TTN: variants seen among roughly 807,000 people sequenced by gnomAD.
TTN encodes the protein titin, also known as connectin.
TTN carries 1,525 observed loss-of-function variants against 3,223.0 expected under a neutral mutation model. That is an observed-to-expected ratio of 0.47 (90% CI 0.45 to 0.49). The LOEUF is 0.49. Among genes scored for constraint, TTN ranks in the 20% least tolerant of loss-of-function variants. The pLI, the probability that TTN is intolerant of heterozygous loss-of-function variation, is 0.00. For missense variants in TTN, 40,786 were observed against 43,424.0 expected (o/e 0.94, Z 5.40); for synonymous variants, 14,094 against 15,161.0 (o/e 0.93, Z 5.17).
At chr2:178,673,581 GAA>G (rs1318087741) in intron 152 of TTN, 50 bp downstream of exon 152, 1 of 1,435,160 alleles carries the variant, frequency 7.0e-7, no homozygotes, top group East Asian at 2.5e-5. Flanking sequence ...TTGCTTTTAA[GAA>G]AGAAAATTAA....
chr2:178,570,030 C>T lies in TTN; in HGVS notation c.76102G>A (p.Gly25368Arg). 2 of 1,613,206 alleles carry T rather than the reference C, an allele frequency of 1.2e-6. No homozygotes were observed. Among genetic ancestry groups the T allele is most frequent in the Non-Finnish European group, 8.5e-7 (1 of 1,179,530 alleles). ...TCATAATCGTGATTTTCTATGAGTC[C>T]AGTTACTCTCAGGCGCAACTCTCCA... ...LIGELRLRVTGLIENHDYEFR... is the reference protein window; with the variant it reads ...LIGELRLRVTRLIENHDYEFR... The change falls in exon 326 of 363, where the codon GGA becomes AGA. Residue 25368 changes from glycine (G) to arginine (R), a missense_variant. Gly to Arg is a moderately radical substitution (Grantham distance 125). Coordinates refer to ENST00000589042, the MANE Select transcript of TTN (RefSeq NM_001267550.2).
intron 330 of TTN, chr2:178,555,943 C>T (rs1259375771): frequency 6.6e-6 from 1 of 152,234 alleles, no homozygotes; most frequent in Non-Finnish European, 1.5e-5. Flanking sequence ...TTTGGACTAA[C>T]CATGATAGAG....
chr2:178,541,500 T>A lies in TTN; in HGVS notation c.97577A>T (p.Asp32526Val). 1 of 1,613,400 alleles carries A rather than the reference T, an allele frequency of 6.2e-7. No individual in the cohort carries two copies. The highest frequency in any genetic ancestry group is 8.5e-7 in the Non-Finnish European group (1 of 1,179,556). The stretch of plus-strand genomic sequence containing the variant: ...ATATCCAGTCACTTGGGAGCCACCG[T>A]CATCCTCTGGTGGGTACCAAGTAAG... ...MTLTWYPPED[D>V]GGSQVTGYIV... The change falls in exon 350 of 363, where the codon GAC becomes GTC. Residue 32526 changes from aspartate to valine, a missense_variant. Coordinates refer to ENST00000589042, the MANE Select transcript of TTN (RefSeq NM_001267550.2).
rs572862573 is a variant in TTN at position 178,595,689 on chromosome 2, T to A, written c.57665A>T (p.Glu19222Val). The A allele has an allele frequency of 6.2e-7, 1 of 1,608,926 alleles. No individual in the cohort carries two copies. ...GGSPITNYVI[E>V]KRESDRRAWT... Reference sequence around the variant, plus strand: ...TGCTCTGCGGTCAGATTCACGCTTTTCAATGACATAATTGGTGATTGGAGA... The same window carrying A: ...TGCTCTGCGGTCAGATTCACGCTTTACAATGACATAATTGGTGATTGGAGA... Residue 19222 changes from glutamate (E) to valine (V), a missense_variant, in exon 295 of 363, where the codon GAA becomes GTA. By Grantham distance (121) the Glu-to-Val change is moderately radical. Coordinates refer to ENST00000589042, the MANE Select transcript of TTN (RefSeq NM_001267550.2).
Position 178,576,113 on chromosome 2 carries a change from A to G in TTN, c.70019T>C (p.Met23340Thr), listed in dbSNP as rs1709991797. The change falls in exon 326 of 363, where the codon ATG (methionine) becomes ACG (threonine). Residue 23340 changes from methionine (M) to threonine (T), a missense_variant. By Grantham distance (81) the Met-to-Thr change is moderately conservative. Transcript: ENST00000589042. The surrounding 1 kb of genome is among the most constrained non-coding windows in gnomAD (Gnocchi z 4.3). ...IPDVEIVERE[M>T]APDFELDAEL... ...GGCATCTAGTTCAAAATCAGGAGCC[A>G]TCTCCCGTTCTACGATTTCAACATC... The G allele has an allele frequency of 6.2e-7, 1 of 1,613,358 alleles. No individual in the cohort carries two copies. The highest frequency in any genetic ancestry group is 1.7e-5 in the Admixed American group (1 of 59,982).
intron 207 of TTN, 59 bp downstream of exon 207, chr2:178,651,394 C>A (rs573669043): frequency 1.2e-6 from 2 of 1,602,358 alleles, no homozygotes; most frequent in African/African-American, 1.3e-5. Flanking sequence ...CAGAACAAAA[C>A]CCTTTTAGAA....
intron 128 of TTN, 57 bp from the exon 129 acceptor site, chr2:178,685,387 G>C (rs2070583259): frequency 6.7e-7 from 1 of 1,494,738 alleles, no homozygotes; most frequent in African/African-American, 1.4e-5. Context: ...TTCGATAAAA[G>C]TGTAAGGGAT....
Position 178,734,779 on chromosome 2 carries a change from T to C in TTN, c.15145A>G (p.Ser5049Gly). 6.2e-7 allele frequency: 1 copy of C among 1,613,878 alleles called. No homozygotes were observed. The highest frequency in any genetic ancestry group is 8.5e-7 in the Non-Finnish European group (1 of 1,179,780). Reference protein sequence around the residue: ...LDITDVKVEDSGSYSCEAVND... With the variant: ...LDITDVKVEDGGSYSCEAVND... ...ACTGCTTCACATGAGTAACTCCCAC[T>C]GTCTTCAACTTTTACATCCGTAATA... The change falls in exon 51 of 363, where the codon AGT becomes GGT. Residue 5049 changes from serine (S) to glycine (G), a missense_variant. Ser to Gly is a moderately conservative substitution (Grantham distance 56). Coordinates refer to ENST00000589042, the MANE Select transcript of TTN (RefSeq NM_001267550.2).
rs754936734 is a variant in TTN, at chr2:178,741,619, C to T, written c.11614G>A (p.Gly3872Ser). 1.2e-5 allele frequency: 19 copies of T among 1,613,662 alleles called. No individual in the cohort carries two copies. Among genetic ancestry groups the T allele is most frequent in the South Asian group, 5.5e-5 (5 of 91,068 alleles). Residue 3872 changes from glycine to serine, a missense_variant, in exon 48 of 363, where the codon GGT becomes AGT. By Grantham distance (56) the Gly-to-Ser change is moderately conservative. Coordinates refer to ENST00000589042, the MANE Select transcript of TTN (RefSeq NM_001267550.2). ...AGAATGATCAGGCTATGATCATCAC[C>T]GTCAAAAACAAATTTGTAGTCAGCA... ...PSADYKFVFD[G>S]DDHSLIILFT...
intron 1 of TTN, among the ~76,000 whole-genome samples, chr2:178,805,054 A>T (rs1236149110): frequency 1.3e-5 from 2 of 152,062 alleles, no homozygotes; most frequent in African/African-American, 4.8e-5. Flanking sequence ...TGTAAAATAA[A>T]CCTCTGGGCC....
chr2:178,749,556 C>T (rs750235091), intron 47 of TTN: 10 of 1,612,736 alleles, frequency 6.2e-6, no homozygotes, highest in Middle Eastern at 1.6e-4. Flanking sequence ...TGTGCCCTTA[C>T]AGATTCTCCC....
rs2154359016 is a variant in TTN at position 178,800,495 on chromosome 2, T to C, written c.483A>G (p.Leu161=). ...CCTCAGGGTATGCTTCTGCAATCAG[T>C]AAGCTGTAGAGGTCGCCTTCTTGTG... The part of the protein sequence containing the change: ...QISQEGDLYS[L]LIAEAYPEDS... Residue 161 remains leucine (L), a synonymous_variant, in exon 4 of 363, where the codon TTA becomes TTG. Transcript: ENST00000589042. 1.2e-6 allele frequency: 2 copies of C among 1,614,176 alleles called. No individual in the cohort carries two copies. The highest frequency in any genetic ancestry group is 2.2e-5 in the South Asian group (2 of 91,088).
Position 178,534,659 on chromosome 2 carries a change from C to T in TTN, c.101956G>A (p.Val33986Ile). The T allele has an allele frequency of 6.2e-7, 1 of 1,613,700 alleles. No individual in the cohort carries two copies. The highest frequency in any genetic ancestry group is 1.1e-5 in the South Asian group (1 of 91,076). Residue 33986 changes from valine (V) to isoleucine (I), a missense_variant, in exon 358 of 363, where the codon GTC becomes ATC. By Grantham distance (29) the Val-to-Ile change is conservative (BLOSUM62 3). Coordinates refer to ENST00000589042, the MANE Select transcript of TTN (RefSeq NM_001267550.2). ...GTGCTGACAACATCATGCTGGTGGACTTCAGGTGCATAGTATTCTGGGGCA... is the reference window on the plus strand; with the variant it reads ...GTGCTGACAACATCATGCTGGTGGATTTCAGGTGCATAGTATTCTGGGGCA... ...FTAPEYYAPEVHQHDVVSTAT... is the reference protein window; with the variant it reads ...FTAPEYYAPEIHQHDVVSTAT...
rs1222519078 is a variant in TTN, at chr2:178,537,805, C to G, written c.99402G>C (p.Trp33134Cys). The stretch of plus-strand genomic sequence containing the variant: ...GTATGAGCTCTTTACCAAATCTGTA[C>G]CATTTAATGTCAGGAAGAGGCCTTC... ...IVGRPLPDIK[W>C]YRFGKELIQS... is the part of the protein sequence containing the mutation. Residue 33134 changes from tryptophan (W) to cysteine (C), a missense_variant, in exon 355 of 363, where the codon TGG (tryptophan) becomes TGC (cysteine). Trp to Cys is a radical substitution (Grantham distance 215, BLOSUM62 -2). Transcript: ENST00000589042. 2 of 1,613,678 alleles carry G rather than the reference C, an allele frequency of 1.2e-6. No individual in the cohort carries two copies. The highest frequency in any genetic ancestry group is 1.7e-6 in the Non-Finnish European group (2 of 1,179,756).
rs879057192 is a variant in TTN at position 178,741,212 on chromosome 2, G to C, written c.12021C>G (p.Gly4007=). The C allele has an allele frequency of 1.9e-6, 3 of 1,613,230 alleles. No homozygotes were observed. Among genetic ancestry groups the C allele is most frequent in the Non-Finnish European group, 1.7e-6 (2 of 1,179,824 alleles). ...IVNDPQREDS[G]LYICKAENML... ...TATTCTCTGCTTTACAGATATAGAG[G>C]CCACTGTCTTCCCTCTGAGGGTCAT... Residue 4007 remains glycine, a synonymous_variant, in exon 48 of 363, where the codon GGC becomes GGG. Coordinates refer to ENST00000589042, the MANE Select transcript of TTN (RefSeq NM_001267550.2).
chr2:178,770,030 A>G (rs894602469), intron 36 of TTN, 30 bp downstream of exon 36: 1 of 1,614,164 alleles, frequency 6.2e-7, no homozygotes, highest in Non-Finnish European at 8.5e-7. Flanking sequence ...TCATTAAGGA[A>G]AGGGCTGTAG....
Position 178,740,129 on chromosome 2 carries a change from T to C in TTN, c.13104A>G (p.Lys4368=). The C allele has an allele frequency of 6.2e-7, 1 of 1,613,844 alleles. No homozygotes were observed. The highest frequency in any genetic ancestry group is 8.5e-7 in the Non-Finnish European group (1 of 1,179,838). Residue 4368 remains lysine (K), a synonymous_variant, in exon 48 of 363, where the codon AAA becomes AAG. Transcript: ENST00000589042. The stretch of plus-strand genomic sequence containing the variant: ...GGTCCCTTCCCTGTACCTCCTGCAC[T>C]TTCTTTATTGCCACGGGCTCTCTTT... ...ESKREPVAIK[K]VQEVQGRDLL... is the part of the protein sequence containing the mutation.
Position 178,652,676 on chromosome 2 carries a change from T to C in TTN, c.39020A>G (p.Lys13007Arg). 1 of 1,613,478 alleles carries C rather than the reference T, an allele frequency of 6.2e-7. No homozygotes were observed. The highest frequency in any genetic ancestry group is 8.5e-7 in the Non-Finnish European group (1 of 1,179,568). The change falls in exon 201 of 363, where the codon AAG (lysine) becomes AGG (arginine). Residue 13007 changes from lysine to arginine, a missense_variant. Coordinates refer to ENST00000589042, the MANE Select transcript of TTN (RefSeq NM_001267550.2). ...ACCTTTAACAGGTGGGACTTCAGGC[T>C]TTTTAGGAGGAGCCGAGGGCACTTT... ...EKKVPSAPPK[K>R]PEVPPVKVPE...
chr2:178,585,017 A>G (rs2048615278), intron 309 of TTN, 49 bp from the exon 310 acceptor site: 1 of 1,604,928 alleles, frequency 6.2e-7, no homozygotes, highest in Non-Finnish European at 8.5e-7. Context: ...TTTGATACGT[A>G]AAAATATTTC....
Sources: gnomAD v4.1 joint callset for allele counts (sites outside exome capture counted in the v4.1 genomes callset) on GRCh38, gnomAD v4.1.1 for gene constraint, Gnocchi (gnomAD v3.1) non-coding constraint, MANE v1.5 for transcripts, NCBI Gene and HGNC (gene_info 2026-07-23, HGNC 2026-07-21) for gene names.